The following DCBLD2 variants were observed in gnomAD, a reference collection of about 807,000 sequenced individuals.
The protein encoded by DCBLD2 is discoidin, CUB and LCCL domain-containing protein 2.
Under a neutral mutation model 86.8 loss-of-function variants are expected in DCBLD2, and 54 were observed. The ratio of observed to expected loss-of-function variants is 0.62; its 90% confidence interval spans 0.50 to 0.78. The LOEUF is 0.78. Among genes scored for constraint, DCBLD2 ranks in the 30% least tolerant of loss-of-function variants. The pLI is 0.00. For missense variants in DCBLD2, 908 were observed against 954.2 expected (o/e 0.95, Z 0.64); for synonymous variants, 354 against 341.3 (o/e 1.04, Z -0.41).
chr3:98,822,599 C>A, intron 5 of DCBLD2, 70 bp downstream of exon 5: 1 of 1,421,236 alleles, frequency 7.0e-7, no homozygotes, highest in South Asian at 1.4e-5. Context: ...TAACACACCT[C>A]TAACTACTCT....
intron 1 of DCBLD2, 174 bp downstream of exon 1, chr3:98,900,948 C>T (rs998960114): frequency 8.6e-7 from 1 of 1,159,200 alleles, no homozygotes; most frequent in Non-Finnish European, 1.2e-6. Context: ...ACTTGGGGGA[C>T]AGACGGGCAA....
rs1244616747 is a variant in DCBLD2 at position 98,801,671 on chromosome 3, G to A, written c.1671-22C>T. On this transcript the variant is annotated intron_variant, in intron 13 of 15. Coordinates refer to ENST00000326840, the MANE Select transcript of DCBLD2 (RefSeq NM_080927.4). ...CTTTCTGGAAAAATACAGAAGAGAA[G>A]TTAGCAAACAGAGTAAATTCACTGG... is the stretch of plus-strand genomic sequence containing the variant. 1.9e-6 allele frequency: 3 copies of A among 1,589,710 alleles called. No homozygotes were observed. In the Admixed American group the frequency reaches 5.2e-5, roughly 28 times the overall value.
chr3:98,842,698 T>C (rs1241283611), intron 3 of DCBLD2, among the ~76,000 whole-genome samples: 1 of 152,210 alleles, frequency 6.6e-6, no homozygotes, highest in Non-Finnish European at 1.5e-5. Context: ...CATAGCTCAG[T>C]TGCCTAAGCA....
At chr3:98,851,837 T>A (rs1299879518) in intron 2 of DCBLD2, among the ~76,000 whole-genome samples, 2 of 152,224 alleles carry the variant, frequency 1.3e-5, no homozygotes, top group African/African-American at 2.4e-5. Flanking sequence ...GGGAAAGGGT[T>A]CCCTATTTAA....
intron 1 of DCBLD2, chr3:98,900,741 C>T (rs1943832297): frequency 4.0e-6 from 1 of 252,970 alleles, no homozygotes; most frequent in South Asian, 4.6e-5. Context: ...GCTTAAGATG[C>T]TATTTAATTA....
chr3:98,886,648 A>G (rs1394302720), intron 1 of DCBLD2, among the ~76,000 whole-genome samples: 1 of 151,990 alleles, frequency 6.6e-6, no homozygotes, highest in African/African-American at 2.4e-5. Context: ...ATTTTATTTC[A>G]GCTAAGAATA....
At position 98,822,728 on chromosome 3, in the gene DCBLD2, C is replaced by G; in HGVS notation, c.637G>C (p.Ala213Pro). The G allele has an allele frequency of 6.3e-7, 1 of 1,594,878 alleles. No homozygotes were observed. The highest frequency in any genetic ancestry group is 8.5e-7 in the Non-Finnish European group (1 of 1,170,078). Reference sequence around the variant, plus strand: ...TCAGCAAAAGGAAGCAGACAACCAGCTGGGCAGTACTTACTGAGAAATGAA... The same window carrying G: ...TCAGCAAAAGGAAGCAGACAACCAGGTGGGCAGTACTTACTGAGAAATGAA... Reference protein sequence around the residue: ...LEPEFSKYCPAGCLLPFAEIS... With the variant: ...LEPEFSKYCPPGCLLPFAEIS... Residue 213 changes from alanine (A) to proline (P), a missense_variant, in exon 5 of 16, where the codon GCT (alanine) becomes CCT (proline). Ala to Pro is a conservative substitution (Grantham distance 27). Transcript: ENST00000326840.
chr3:98,899,311 T>C (rs541465910), intron 1 of DCBLD2, among the ~76,000 whole-genome samples: 31 of 146,124 alleles, frequency 2.1e-4, no homozygotes, highest in Non-Finnish European at 3.9e-4. Flanking sequence ...CAGGCTGGAG[T>C]GCAGTGGCGC....
chr3:98,856,377 A>G (rs1942931783), intron 2 of DCBLD2, among the ~76,000 whole-genome samples: 1 of 152,044 alleles, frequency 6.6e-6, no homozygotes, highest in South Asian at 2.1e-4. Flanking sequence ...CTCTCAGAAG[A>G]AAAAAAAGAA....
intron 2 of DCBLD2, among the ~76,000 whole-genome samples, chr3:98,858,482 C>G (rs1942979096): frequency 6.6e-6 from 1 of 152,352 alleles, no homozygotes; most frequent in East Asian, 1.9e-4. Context: ...CACGCTGTCA[C>G]CTCTCATAAG....
intron 2 of DCBLD2, among the ~76,000 whole-genome samples, chr3:98,876,590 C>G (rs1943375987): frequency 6.6e-6 from 1 of 152,068 alleles, no homozygotes; most frequent in Non-Finnish European, 1.5e-5. Context: ...CTGTGGAAAA[C>G]AAGCATTTTT....
chr3:98,844,809 A>G (rs1210664033), intron 3 of DCBLD2, among the ~76,000 whole-genome samples: 1 of 152,236 alleles, frequency 6.6e-6, no homozygotes, highest in Non-Finnish European at 1.5e-5. Flanking sequence ...TAAAAGTCCA[A>G]GATACCACAA....
chr3:98,824,225 T>C (rs1428833189), intron 4 of DCBLD2, among the ~76,000 whole-genome samples: 2 of 152,106 alleles, frequency 1.3e-5, no homozygotes, highest in Non-Finnish European at 2.9e-5. Context: ...ATACATAATC[T>C]GATTAGTATT....
chr3:98,837,873 C>T (rs1220481339), intron 3 of DCBLD2, among the ~76,000 whole-genome samples: 4 of 85,196 alleles, frequency 4.7e-5, no homozygotes, highest in African/African-American at 1.2e-4. Flanking sequence ...GGGGGGCTGA[C>T]CCCCCCACCT....
chr3:98,872,196 C>G (rs957155011), intron 2 of DCBLD2, among the ~76,000 whole-genome samples: 3 of 152,162 alleles, frequency 2.0e-5, no homozygotes, highest in African/African-American at 7.2e-5. Flanking sequence ...TGAAGTTTAA[C>G]TGCCAGCATG....
chr3:98,798,229 C>T lies in DCBLD2; in HGVS notation c.*1143G>A, dbSNP rs934383334. ...CGATCACGCAGTCCTGAAAAATACA[C>T]GTTAGGTTTATATTTTGTGTAACAG... On this transcript the variant is annotated 3_prime_UTR_variant, in exon 16 of 16. Coordinates refer to ENST00000326840, the MANE Select transcript of DCBLD2 (RefSeq NM_080927.4). 18 of 152,106 alleles carry T rather than the reference C, an allele frequency of 1.2e-4. No homozygotes were observed. The highest frequency in any genetic ancestry group is 3.6e-4 in the African/African-American group (15 of 41,482). The allele number at this position is 152,106 out of a possible 1,614,324, so 9.4% of individuals were successfully genotyped here.
intron 3 of DCBLD2, among the ~76,000 whole-genome samples, chr3:98,846,113 G>T (rs1488906954): frequency 6.6e-6 from 1 of 152,106 alleles, no homozygotes; most frequent in African/African-American, 2.4e-5. Flanking sequence ...AGGAAATAAG[G>T]AATCAAAAGG....
chr3:98,820,217 T>TA lies in DCBLD2; in HGVS notation c.871+30dup, dbSNP rs956368655. 3 of 1,348,198 alleles carry TA rather than the reference T, an allele frequency of 2.2e-6. No homozygotes were observed. In the African/African-American group the frequency reaches 4.6e-5, roughly 21 times the overall value. The allele number at this position is 1,348,198 out of a possible 1,614,324, so 83.5% of individuals were successfully genotyped here. On this transcript the variant is annotated intron_variant, in intron 7 of 15. Coordinates refer to ENST00000326840, the MANE Select transcript of DCBLD2 (RefSeq NM_080927.4). ...CAGTGTTCAAAAAATATTATATAAATAAAAAATTATAAAGTCCATAAAAGG... is the reference window on the plus strand; with the variant it reads ...CAGTGTTCAAAAAATATTATATAAATAAAAAAATTATAAAGTCCATAAAAGG...
intron 3 of DCBLD2, among the ~76,000 whole-genome samples, chr3:98,831,055 C>T (rs1012917757): frequency 1.3e-5 from 2 of 151,378 alleles, no homozygotes; most frequent in Admixed American, 1.3e-4. Flanking sequence ...TTTTGGTGTA[C>T]AGAAATGCTA....
Sources: gnomAD v4.1 joint callset for allele counts (sites outside exome capture counted in the v4.1 genomes callset) on GRCh38, gnomAD v4.1.1 for gene constraint, MANE v1.5 for transcripts, NCBI Gene and HGNC (gene_info 2026-07-23, HGNC 2026-07-21) for gene names.